SLC25A26: variants seen among roughly 807,000 people sequenced by gnomAD.
The protein encoded by SLC25A26 is mitochondrial S-adenosylmethionine carrier protein.
In SLC25A26, 36 loss-of-function variants were observed where a neutral mutation model predicts 37.8. That is an observed-to-expected ratio of 0.95 (90% CI 0.73 to 1.26). The LOEUF is 1.26. Ranked by LOEUF, SLC25A26 falls within the 50% of genes most tolerant of loss-of-function variation. The pLI, the probability that SLC25A26 is intolerant of heterozygous loss-of-function variation, is 0.00. For missense variants in SLC25A26, 390 were observed against 331.1 expected (o/e 1.18, Z -1.38); for synonymous variants, 129 against 122.5 (o/e 1.05, Z -0.35).
intron 5 of SLC25A26, among the ~76,000 whole-genome samples, chr3:66,287,537 T>G (rs1432317187): frequency 6.6e-6 from 1 of 152,196 alleles, no homozygotes; most frequent in East Asian, 1.9e-4. Flanking sequence ...TTCTTCCTCT[T>G]TTTTGATTCA....
At chr3:66,367,618 T>G (rs1398256527) in intron 7 of SLC25A26, among the ~76,000 whole-genome samples, 1 of 152,082 alleles carries the variant, frequency 6.6e-6, no homozygotes, top group Non-Finnish European at 1.5e-5. Flanking sequence ...GATAGTAAAG[T>G]TTGTTGCCTT....
chr3:66,274,842 G>C (rs1423479650), intron 5 of SLC25A26, among the ~76,000 whole-genome samples: 2 of 152,120 alleles, frequency 1.3e-5, no homozygotes, highest in African/African-American at 4.8e-5. Context: ...AGTCAGTGTG[G>C]CGATTCCTCA....
intron 1 of SLC25A26, among the ~76,000 whole-genome samples, chr3:66,196,713 C>G (rs1320840857): frequency 6.7e-6 from 1 of 148,242 alleles, no homozygotes; most frequent in Non-Finnish European, 1.5e-5. Flanking sequence ...TTTAAAAAAA[C>G]TAATAAGAAA....
chr3:66,242,659 C>G, intron 2 of SLC25A26, among the ~76,000 whole-genome samples: 1 of 152,050 alleles, frequency 6.6e-6, no homozygotes, highest in South Asian at 2.1e-4. Flanking sequence ...ATAGGGGTAG[C>G]TTTTTAGAGG....
At chr3:66,153,010 C>G (rs1052560693) in intron 1 of SLC25A26, among the ~76,000 whole-genome samples, 3 of 152,080 alleles carry the variant, frequency 2.0e-5, no homozygotes, top group Admixed American at 6.6e-5. Context: ...TTTAAAAGAC[C>G]CTTGAGGGTT....
intron 5 of SLC25A26, among the ~76,000 whole-genome samples, chr3:66,315,134 C>G (rs1176938078): frequency 7.5e-6 from 1 of 133,600 alleles, no homozygotes; most frequent in Non-Finnish European, 1.6e-5. Context: ...CAGTTCTGCT[C>G]TGATCTTGGT....
At chr3:66,252,279 A>G (rs1172972864) in intron 3 of SLC25A26, among the ~76,000 whole-genome samples, 2 of 152,198 alleles carry the variant, frequency 1.3e-5, no homozygotes, top group Admixed American at 6.5e-5. Flanking sequence ...GTGCTTTTCA[A>G]TATTTGAGTT....
chr3:66,350,392 C>A (rs1047015673), intron 6 of SLC25A26, among the ~76,000 whole-genome samples: 1 of 152,096 alleles, frequency 6.6e-6, no homozygotes, highest in Non-Finnish European at 1.5e-5. Flanking sequence ...AAATTTGATT[C>A]CCTTCTTGCT....
intron 5 of SLC25A26, among the ~76,000 whole-genome samples, chr3:66,336,132 T>C (rs780642997): frequency 1.3e-5 from 2 of 152,232 alleles, no homozygotes; most frequent in Non-Finnish European, 2.9e-5. Context: ...TTTAAAATGT[T>C]ATTTTTTAGA....
At chr3:66,180,158 G>A (rs985570500) in intron 1 of SLC25A26, among the ~76,000 whole-genome samples, 10 of 152,208 alleles carry the variant, frequency 6.6e-5, no homozygotes, top group Non-Finnish European at 1.3e-4. Context: ...TTTTTCTCTA[G>A]GTTTCCAGGA....
intron 1 of SLC25A26, among the ~76,000 whole-genome samples, chr3:66,182,261 C>T (rs1032009526): frequency 2.0e-5 from 3 of 152,002 alleles, no homozygotes; most frequent in South Asian, 4.1e-4. Flanking sequence ...AGTGGTAGGG[C>T]GCGGTGTTTG....
upstream of SLC25A26, among the ~76,000 whole-genome samples, chr3:66,219,441 T>C (rs1173481666): frequency 6.6e-6 from 1 of 152,216 alleles, no homozygotes; most frequent in East Asian, 1.9e-4. Context: ...AAATGGAGAT[T>C]ATCCTGGGTA....
chr3:66,226,314 G>T (rs2071747930), intron 1 of SLC25A26, among the ~76,000 whole-genome samples: 1 of 152,250 alleles, frequency 6.6e-6, no homozygotes, highest in Non-Finnish European at 1.5e-5. Flanking sequence ...ATCAGATCTT[G>T]TGAGACTTAT....
chr3:66,176,417 T>C (rs2070587661), intron 1 of SLC25A26, among the ~76,000 whole-genome samples: 3 of 152,162 alleles, frequency 2.0e-5, no homozygotes. Context: ...CCTTTAGAAG[T>C]GACAGTCCTT....
intron 3 of SLC25A26, among the ~76,000 whole-genome samples, chr3:66,257,822 C>T (rs1425368191): frequency 6.6e-6 from 1 of 152,144 alleles, no homozygotes. Flanking sequence ...CCCTCAATCC[C>T]TTATGAATTG....
At chr3:66,348,767 G>GT (rs1419132419) in intron 6 of SLC25A26, among the ~76,000 whole-genome samples, 3 of 152,164 alleles carry the variant, frequency 2.0e-5, no homozygotes, top group Non-Finnish European at 4.4e-5. Context: ...ATTTAATATA[G>GT]TTTTTTGGCT....
intron 1 of SLC25A26, 68 bp downstream of exon 1, chr3:66,221,195 C>T (rs948626344): frequency 8.4e-6 from 12 of 1,436,714 alleles, no homozygotes; most frequent in Non-Finnish European, 1.1e-5. Context: ...CGCGGGCGTT[C>T]TCTGCACTGG....
intron 7 of SLC25A26, among the ~76,000 whole-genome samples, chr3:66,368,157 A>G (rs2076866353): frequency 6.6e-6 from 1 of 152,236 alleles, no homozygotes; most frequent in African/African-American, 2.4e-5. Context: ...TCCACAAGCC[A>G]CAAAAGCGAG....
chr3:66,333,764 C>T (rs2076030773), intron 5 of SLC25A26, among the ~76,000 whole-genome samples: 2 of 152,138 alleles, frequency 1.3e-5, no homozygotes, highest in African/African-American at 4.8e-5. Flanking sequence ...TTCTTAGAAC[C>T]GTTAGTTTAT....
Sources: gnomAD v4.1 joint callset for allele counts (sites outside exome capture counted in the v4.1 genomes callset) on GRCh38, gnomAD v4.1.1 for gene constraint, MANE v1.5 for transcripts, NCBI Gene and HGNC (gene_info 2026-07-23, HGNC 2026-07-21) for gene names.